Variants in GRB2 observed in about 807,000 individuals in gnomAD.
GRB2 encodes the protein growth factor receptor bound protein 2.
GRB2 carries 2 observed loss-of-function variants against 27.4 expected under a neutral mutation model. That is an observed-to-expected ratio of 0.07 (90% CI 0.03 to 0.23). The LOEUF is 0.23. Among genes scored for constraint, GRB2 ranks in the 10% least tolerant of loss-of-function variants. The pLI, the probability that GRB2 is intolerant of heterozygous loss-of-function variation, is 1.00. For synonymous variants in GRB2, 94 were observed against 99.6 expected, an observed-to-expected ratio of 0.94 and a Z score of 0.33; for missense variants, 102 against 282.4, an observed-to-expected ratio of 0.36 and a Z score of 4.58.
At chr17:75,367,274 G>A (rs184769207) in intron 2 of GRB2, among the ~76,000 whole-genome samples, 5 of 152,178 alleles carry the variant, frequency 3.3e-5, no homozygotes, top group African/African-American at 9.6e-5. Context: ...AGACTGAAGC[G>A]ATCCTCCCAC....
At chr17:75,343,506 T>C (rs1598227397) in intron 2 of GRB2, among the ~76,000 whole-genome samples, 2 of 152,230 alleles carry the variant, frequency 1.3e-5, no homozygotes, top group Admixed American at 1.3e-4. Context: ...TTTCTTTCTC[T>C]GAGAAATATT....
At chr17:75,343,049 CA>C (rs56264803) in intron 2 of GRB2, among the ~76,000 whole-genome samples, 7 of 58,590 alleles carry the variant, frequency 1.2e-4, no homozygotes, top group African/African-American at 2.1e-4. Context: ...AACCTTGTCT[CA>C]AAAAAAAAAA....
In GRB2 at chr17:75,348,381, G is replaced by A. The variant is rs115238253; in HGVS notation, c.79-15584C>T. 9.7e-3 allele frequency among the ~76,000 whole-genome samples: 1,475 copies of A among 152,272 alleles called. 27 individuals are homozygous for A. Among genetic ancestry groups the A allele is most frequent in the South Asian group, 0.048 (234 of 4,826 alleles). ...ACTATTAAAAGTTGAGAAAGGGGGT[G>A]AAGGTATAAAAACCTCAGATTTGTA... is the stretch of plus-strand genomic sequence containing the variant. On this transcript the variant is annotated intron_variant, in intron 2 of 5. Transcript: ENST00000316804.
intron 2 of GRB2, among the ~76,000 whole-genome samples, chr17:75,382,160 T>A (rs917188695): frequency 2.0e-5 from 3 of 151,260 alleles, no homozygotes; most frequent in Non-Finnish European, 4.4e-5. Flanking sequence ...GAGGCAGAGG[T>A]TGTGGTGAGC....
At chr17:75,371,649 G>A (rs986396696) in intron 2 of GRB2, 1 of 151,984 alleles carries the variant, frequency 6.6e-6, no homozygotes, top group Non-Finnish European at 1.5e-5. Context: ...AAACCTTCTG[G>A]AGATTGGGTC....
intron 2 of GRB2, among the ~76,000 whole-genome samples, chr17:75,361,374 G>T (rs2078780569): frequency 6.6e-6 from 1 of 152,140 alleles, no homozygotes; most frequent in Non-Finnish European, 1.5e-5. Flanking sequence ...GCAGTATAAG[G>T]ACAGAAAAAT....
chr17:75,322,721 C>T (rs898902481), intron 4 of GRB2, among the ~76,000 whole-genome samples: 1 of 152,140 alleles, frequency 6.6e-6, no homozygotes, highest in Admixed American at 6.6e-5. Flanking sequence ...CCGGCAACAG[C>T]GTGGCTGGCT....
chr17:75,385,042 A>G (rs1305873342), intron 2 of GRB2, among the ~76,000 whole-genome samples: 7 of 84,828 alleles, frequency 8.3e-5, no homozygotes, highest in South Asian at 4.0e-4. Context: ...AAAAAAAAAA[A>G]AAAAAAAAAA....
chr17:75,382,485 CCAAAATG>C (rs1158598854), intron 2 of GRB2, among the ~76,000 whole-genome samples: 2 of 152,140 alleles, frequency 1.3e-5, no homozygotes, highest in Non-Finnish European at 1.5e-5. Flanking sequence ...ATCTCAAAAT[CCAAAATG>C]CTCCAACAGG....
In GRB2 at chr17:75,320,167, T is replaced by G. The variant is rs762432790; in HGVS notation, c.*201A>C. The G allele has an allele frequency of 3.9e-6, 2 of 516,238 alleles. No individual in the cohort carries two copies. The highest frequency in any genetic ancestry group is 7.0e-6 in the Non-Finnish European group (2 of 284,500). 32.0% of individuals were successfully genotyped at this position (516,238 alleles called of 1,614,324 possible). On this transcript the variant is annotated 3_prime_UTR_variant, in exon 6 of 6. Transcript: ENST00000316804. The surrounding 1 kb of genome is among the most constrained non-coding windows in gnomAD (Gnocchi z 4.3). The stretch of plus-strand genomic sequence containing the variant: ...ATTTGTAATAAAAACTCTTCTTAAT[T>G]TATAGGTAAGTTTTGGCATTTTTAA...
At chr17:75,333,218 G>A (rs1242586838) in intron 2 of GRB2, among the ~76,000 whole-genome samples, 2 of 152,184 alleles carry the variant, frequency 1.3e-5, no homozygotes, top group African/African-American at 4.8e-5. Flanking sequence ...TGGGATTACA[G>A]GCGCATGCCA....
At chr17:75,380,586 T>C (rs945349325) in intron 2 of GRB2, among the ~76,000 whole-genome samples, 12 of 152,214 alleles carry the variant, frequency 7.9e-5, no homozygotes, top group African/African-American at 2.9e-4. Flanking sequence ...AAAGACTGGT[T>C]TGTCTGTCTT....
At chr17:75,321,557 G>A (rs1166671109) in intron 5 of GRB2, 102 bp downstream of exon 5, 8 of 1,038,258 alleles carry the variant, frequency 7.7e-6, no homozygotes, top group Admixed American at 3.9e-5. Flanking sequence ...ATCCCTGAAG[G>A]GCGCCCGCAT....
rs61764610 is a variant in GRB2, at chr17:75,326,481, C to T, written c.177-461G>A. 1,191 of 163,702 alleles carry T rather than the reference C, an allele frequency of 7.3e-3. 8 individuals are homozygous for T. Among genetic ancestry groups the T allele is most frequent in the African/African-American group, 0.026 (1,091 of 41,728 alleles). 10.1% of individuals were successfully genotyped at this position (163,702 alleles called of 1,614,324 possible). A position where few individuals can be genotyped will look rare whatever the true frequency, so the allele number is the denominator to read the frequency against. ...AGGGAAAGTGGGGAGGAAACCTGGA[C>T]GGCCAGGAGCTGGAGGCAGGGTTAC... On this transcript the variant is annotated intron_variant, in intron 3 of 5. Coordinates refer to ENST00000316804, the MANE Select transcript of GRB2 (RefSeq NM_002086.5).
chr17:75,322,045 C>G (rs919913496), intron 4 of GRB2, among the ~76,000 whole-genome samples: 1 of 152,098 alleles, frequency 6.6e-6, no homozygotes, highest in Non-Finnish European at 1.5e-5. Flanking sequence ...GAGGGACAGG[C>G]CATCAGTCAT....
Position 75,319,670 on chromosome 17 carries a change from G to A in GRB2, c.*698C>T, listed in dbSNP as rs921376230. ...TTGGCTAGGTTGGTCTCGAACTCCT[G>A]ACCTTGTGATCCGCCCACCTTGGCC... On this transcript the variant is annotated 3_prime_UTR_variant, in exon 6 of 6. Coordinates refer to ENST00000316804, the MANE Select transcript of GRB2 (RefSeq NM_002086.5). 3.3e-5 allele frequency: 5 copies of A among 152,268 alleles called. No individual in the cohort carries two copies. The highest frequency in any genetic ancestry group is 1.2e-4 in the African/African-American group (5 of 41,456). The allele number at this position is 152,268 out of a possible 1,614,324, so 9.4% of individuals were successfully genotyped here. A position where few individuals can be genotyped will look rare whatever the true frequency, so the allele number is the denominator to read the frequency against.
intron 2 of GRB2, among the ~76,000 whole-genome samples, chr17:75,365,352 T>A (rs767943318): frequency 5.3e-5 from 8 of 152,344 alleles, no homozygotes; most frequent in Middle Eastern, 6.8e-3. Flanking sequence ...ATTTAAATCT[T>A]CCTGGACAGA....
chr17:75,400,929 T>C (rs2079059412), intron 1 of GRB2, among the ~76,000 whole-genome samples: 1 of 151,988 alleles, frequency 6.6e-6, no homozygotes, highest in African/African-American at 2.4e-5. Context: ...CATGAGCTTG[T>C]GTATGGAGTA....
At chr17:75,325,111 C>G (rs1466954004) in intron 4 of GRB2, among the ~76,000 whole-genome samples, 2 of 151,974 alleles carry the variant, frequency 1.3e-5, no homozygotes, top group African/African-American at 2.4e-5. Flanking sequence ...AAATGGTTTT[C>G]TATCCCCCAT....
Sources: gnomAD v4.1 joint callset for allele counts (sites outside exome capture counted in the v4.1 genomes callset) on GRCh38, gnomAD v4.1.1 for gene constraint, Gnocchi (gnomAD v3.1) non-coding constraint, MANE v1.5 for transcripts, NCBI Gene and HGNC (gene_info 2026-07-23, HGNC 2026-07-21) for gene names.